The following FGGY variants were observed in gnomAD, a reference collection of about 807,000 sequenced individuals.
FGGY encodes FGGY carbohydrate kinase domain-containing protein.
In FGGY, 72 loss-of-function variants were observed where a neutral mutation model predicts 71.3. That is an observed-to-expected ratio of 1.01 (90% CI 0.84 to 1.23). The LOEUF (loss-of-function observed/expected upper bound fraction) is 1.23. Among genes scored for constraint, FGGY ranks in the 50% most tolerant of loss-of-function variants. The pLI is 0.00. For synonymous variants in FGGY, 251 were observed against 250.3 expected, an observed-to-expected ratio of 1.00 and a Z score of -0.02; for missense variants, 668 against 682.3, an observed-to-expected ratio of 0.98 and a Z score of 0.23.
chr1:59,492,757 G>A (rs1212213918), intron 6 of FGGY, among the ~76,000 whole-genome samples: 1 of 152,032 alleles, frequency 6.6e-6, no homozygotes, highest in Non-Finnish European at 1.5e-5. Context: ...AGTCAGTACT[G>A]AGTCTGCCTT....
chr1:59,608,239 T>A (rs1487564981), intron 9 of FGGY, among the ~76,000 whole-genome samples: 1 of 152,152 alleles, frequency 6.6e-6, no homozygotes, highest in Non-Finnish European at 1.5e-5. Context: ...GTTTTCCCCA[T>A]AGCCCCTTGA....
chr1:59,681,961 C>T (rs1381648571), intron 14 of FGGY, among the ~76,000 whole-genome samples: 1 of 152,132 alleles, frequency 6.6e-6, no homozygotes, highest in African/African-American at 2.4e-5. Context: ...TTATAGTTTC[C>T]TAACAGAGGT....
intron 11 of FGGY, among the ~76,000 whole-genome samples, chr1:59,646,815 A>G (rs990807483): frequency 6.6e-6 from 1 of 152,206 alleles, no homozygotes; most frequent in Admixed American, 6.5e-5. Context: ...GGAACCAGTC[A>G]ATTCAAACCT....
chr1:59,352,694 A>G (rs530183065), intron 4 of FGGY, among the ~76,000 whole-genome samples: 45 of 152,308 alleles, frequency 3.0e-4, no homozygotes, highest in Non-Finnish European at 8.8e-5. Flanking sequence ...GGAACTGCTG[A>G]AAAGAAAACC....
intron 1 of FGGY, among the ~76,000 whole-genome samples, chr1:59,306,062 A>G (rs1265776234): frequency 6.6e-6 from 1 of 151,870 alleles, no homozygotes; most frequent in African/African-American, 2.4e-5. Flanking sequence ...GACTTATCTC[A>G]TTTTTTCCCA....
In FGGY at chr1:59,351,279, C is replaced by T. The variant is rs553238940; in HGVS notation, c.465+4881C>T. Among the ~76,000 whole-genome samples the T allele has an allele frequency of 5.9e-5, 9 of 152,288 alleles. No individual in the cohort carries two copies. The East Asian group carries it at 1.7e-3, about 29-fold the overall frequency. On this transcript the variant is annotated intron_variant, in intron 4 of 15. Transcript: ENST00000303721. ...GACCAACAGATGAAAAGTTTGCCGA[C>T]CCCTGGTCTTGACAATGCTGAGTCT...
rs777206879 is a variant in FGGY, at chr1:59,625,970, A to G, written c.1012-18A>G. On this transcript the variant is annotated intron_variant, in intron 9 of 15. Coordinates refer to ENST00000303721, the MANE Select transcript of FGGY (RefSeq NM_018291.5). ...ATTAAAGAAGCTATAAAATTGACCCATGTCTCTTATTTTTCAGATAGACCA... is the reference window on the plus strand; with the variant it reads ...ATTAAAGAAGCTATAAAATTGACCCGTGTCTCTTATTTTTCAGATAGACCA... The G allele has an allele frequency of 1.3e-6, 2 of 1,586,360 alleles. No homozygotes were observed. The highest frequency in any genetic ancestry group is 1.7e-6 in the Non-Finnish European group (2 of 1,167,376).
At chr1:59,550,299 A>G (rs1203921797) in intron 7 of FGGY, among the ~76,000 whole-genome samples, 1 of 151,918 alleles carries the variant, frequency 6.6e-6, no homozygotes, top group African/African-American at 2.4e-5. Flanking sequence ...GGAAAGAAGA[A>G]AGCTCCTCCC....
intron 5 of FGGY, among the ~76,000 whole-genome samples, chr1:59,396,915 G>T (rs531110881): frequency 2.6e-3 from 393 of 152,244 alleles, no homozygotes; most frequent in Non-Finnish European, 4.3e-3. Flanking sequence ...TATAGATTTT[G>T]CAGAGCAACA....
At chr1:59,748,766 A>G (rs550653028) in intron 14 of FGGY, among the ~76,000 whole-genome samples, 1 of 152,320 alleles carries the variant, frequency 6.6e-6, no homozygotes, top group East Asian at 1.9e-4. Context: ...GGGATACTTC[A>G]AAGAAAGGAA....
At chr1:59,722,871 A>T (rs1006592398) in intron 14 of FGGY, among the ~76,000 whole-genome samples, 1 of 152,112 alleles carries the variant, frequency 6.6e-6, no homozygotes, top group African/African-American at 2.4e-5. Context: ...ATCTTGGCTC[A>T]CTGCAAGCTC....
chr1:59,454,220 T>C (rs2091465169), intron 5 of FGGY, among the ~76,000 whole-genome samples: 1 of 152,084 alleles, frequency 6.6e-6, no homozygotes, highest in South Asian at 2.1e-4. Context: ...CATCTGGGGA[T>C]TTAGGAGTTA....
At chr1:59,298,921 G>T (rs930926497) in intron 1 of FGGY, among the ~76,000 whole-genome samples, 1 of 152,198 alleles carries the variant, frequency 6.6e-6, no homozygotes, top group Non-Finnish European at 1.5e-5. Flanking sequence ...CATACTTTGG[G>T]CCCAGAACTG....
intron 8 of FGGY, among the ~76,000 whole-genome samples, chr1:59,590,713 A>G (rs1441357535): frequency 2.0e-5 from 3 of 152,270 alleles, no homozygotes; most frequent in Non-Finnish European, 4.4e-5. Flanking sequence ...ATAGATGCAG[A>G]AAAGGCCTTT....
intron 6 of FGGY, among the ~76,000 whole-genome samples, chr1:59,501,412 T>C (rs1353765880): frequency 6.6e-6 from 1 of 151,484 alleles, no homozygotes; most frequent in African/African-American, 2.4e-5. Flanking sequence ...GTGATCTTTG[T>C]ATTTGATTGT....
At chr1:59,353,039 T>G (rs1341430982) in intron 4 of FGGY, among the ~76,000 whole-genome samples, 1 of 152,206 alleles carries the variant, frequency 6.6e-6, no homozygotes, top group Admixed American at 6.5e-5. Context: ...CTTTGGGAGA[T>G]ATAACACAAA....
chr1:59,656,265 A>C (rs1005579949), intron 11 of FGGY, among the ~76,000 whole-genome samples: 5 of 152,034 alleles, frequency 3.3e-5, no homozygotes, highest in Non-Finnish European at 7.4e-5. Flanking sequence ...CTTCCTCTCC[A>C]CTTCCTCTTG....
chr1:59,600,278 A>G (rs947633628), intron 8 of FGGY, among the ~76,000 whole-genome samples: 2 of 152,230 alleles, frequency 1.3e-5, no homozygotes, highest in African/African-American at 4.8e-5. Flanking sequence ...CAGGAAGTCA[A>G]GAATGGTATC....
At position 59,650,174 on chromosome 1, in the gene FGGY, G is replaced by A. The variant is rs1242243188; in HGVS notation, c.1222-10045G>A. 2.0e-5 allele frequency among the ~76,000 whole-genome samples: 3 copies of A among 147,832 alleles called. No homozygotes were observed. In the East Asian group the frequency reaches 5.8e-4, roughly 29 times the overall value. On this transcript the variant is annotated intron_variant, in intron 11 of 15. Coordinates refer to ENST00000303721, the MANE Select transcript of FGGY (RefSeq NM_018291.5). Reference sequence around the variant, plus strand: ...TGCCAGTATTGTATTGAGGATTTTTGCATCGATGTTCATCAGGGATATTGG... The same window carrying A: ...TGCCAGTATTGTATTGAGGATTTTTACATCGATGTTCATCAGGGATATTGG...
Sources: gnomAD v4.1 joint callset for allele counts (sites outside exome capture counted in the v4.1 genomes callset) on GRCh38, gnomAD v4.1.1 for gene constraint, MANE v1.5 for transcripts, NCBI Gene and HGNC (gene_info 2026-07-23, HGNC 2026-07-21) for gene names.